The following WRN variants were observed in gnomAD, a reference collection of about 807,000 sequenced individuals.
WRN encodes bifunctional 3'-5' exonuclease/ATP-dependent helicase WRN.
WRN carries 149 observed loss-of-function variants against 180.7 expected under a neutral mutation model. The ratio of observed to expected loss-of-function variants is 0.82; its 90% CI spans 0.72 to 0.94. WRN has a LOEUF of 0.94. Among genes scored for constraint, WRN ranks in the 40% least tolerant of loss-of-function variants. The pLI is 0.00. For missense variants in WRN, 1,661 were observed against 1,700.1 expected (o/e 0.98, Z 0.40); for synonymous variants, 548 against 568.9 (o/e 0.96, Z 0.52).
At chr8:31,073,745 C>A (rs1361608478) in intron 7 of WRN, among the ~76,000 whole-genome samples, 1 of 152,110 alleles carries the variant, frequency 6.6e-6, no homozygotes, top group East Asian at 1.9e-4. Flanking sequence ...CTGGGAGGGC[C>A]ACTAATGAAG....
At chr8:31,082,597 T>C (rs1033311708) in intron 9 of WRN, among the ~76,000 whole-genome samples, 8 of 152,092 alleles carry the variant, frequency 5.3e-5, no homozygotes, top group Non-Finnish European at 1.2e-4. Context: ...TATCAGGATT[T>C]CATGATTTTT....
intron 24 of WRN, among the ~76,000 whole-genome samples, chr8:31,139,224 C>T (rs1340615319): frequency 1.3e-5 from 2 of 152,090 alleles, no homozygotes; most frequent in Non-Finnish European, 2.9e-5. Context: ...GTTAAGTTTG[C>T]TGCAACTCAT....
chr8:31,157,240 AG>A, intron 32 of WRN, 127 bp from the exon 33 acceptor site: 3 of 1,347,002 alleles, frequency 2.2e-6, no homozygotes, highest in Non-Finnish European at 3.1e-6. Flanking sequence ...GAAAAACTTA[AG>A]TAAAGGTTTA....
At chr8:31,043,433 C>A (rs73579555) in intron 1 of WRN, among the ~76,000 whole-genome samples, 1 of 152,088 alleles carries the variant, frequency 6.6e-6, no homozygotes, top group African/African-American at 2.4e-5. Context: ...GTGATGAGGT[C>A]AGTTCCATCC....
intron 24 of WRN, among the ~76,000 whole-genome samples, chr8:31,140,227 TCTCA>T (rs1585512507): frequency 2.0e-5 from 3 of 151,930 alleles, no homozygotes; most frequent in Admixed American, 2.0e-4. Flanking sequence ...GAGATGTGGG[TCTCA>T]CTGTGTTGCC....
chr8:31,039,524 A>G (rs572610423), intron 1 of WRN, among the ~76,000 whole-genome samples: 3 of 152,162 alleles, frequency 2.0e-5, no homozygotes, highest in Non-Finnish European at 4.4e-5. Flanking sequence ...CTTCCTTTCC[A>G]TTATGGATGC....
intron 18 of WRN, among the ~76,000 whole-genome samples, chr8:31,102,442 G>A (rs918991440): frequency 6.6e-6 from 1 of 152,108 alleles, no homozygotes; most frequent in African/African-American, 2.4e-5. Flanking sequence ...GTCTGAACAT[G>A]GACTTACACA....
intron 31 of WRN, 23 bp downstream of exon 31, chr8:31,150,478 A>T (rs1262734862): frequency 1.9e-6 from 3 of 1,602,564 alleles, no homozygotes; most frequent in Non-Finnish European, 2.6e-6. Flanking sequence ...GGTTTGCAGG[A>T]GCTCTTAGAG....
At chr8:31,120,735 T>C (rs1325033758) in intron 21 of WRN, among the ~76,000 whole-genome samples, 1 of 151,974 alleles carries the variant, frequency 6.6e-6, no homozygotes, top group Non-Finnish European at 1.5e-5. Flanking sequence ...CCATTGTGCA[T>C]TAATGAACAG....
At chr8:31,035,470 T>A (rs1180235592) in intron 1 of WRN, among the ~76,000 whole-genome samples, 2 of 151,972 alleles carry the variant, frequency 1.3e-5, no homozygotes, top group African/African-American at 4.8e-5. Flanking sequence ...GAGAGCAACT[T>A]AAGAGGCCTA....
At chr8:31,080,802 TCA>T (rs973458595) in intron 8 of WRN, 63 bp from the exon 9 acceptor site, 4 of 1,351,358 alleles carry the variant, frequency 3.0e-6, no homozygotes, top group Non-Finnish European at 4.1e-6. Context: ...TTAAAAAGCT[TCA>T]CAGTTTGTCC....
chr8:31,137,016 C>T (rs1802425341), intron 24 of WRN, among the ~76,000 whole-genome samples: 1 of 150,606 alleles, frequency 6.6e-6, no homozygotes. Flanking sequence ...AATCATTAAG[C>T]ATTTGTTGTT....
At chr8:31,151,023 A>G (rs1014198002) in intron 31 of WRN, among the ~76,000 whole-genome samples, 2 of 152,196 alleles carry the variant, frequency 1.3e-5, no homozygotes. Flanking sequence ...AGCAGACTCT[A>G]TAATGCATAC....
chr8:31,103,247 C>T (rs983571960), intron 18 of WRN, among the ~76,000 whole-genome samples: 28 of 152,144 alleles, frequency 1.8e-4, no homozygotes, highest in Admixed American at 1.4e-3. Context: ...AAAATGAATA[C>T]GTAGGAGGAG....
chr8:31,085,368 A>G, intron 11 of WRN, 122 bp downstream of exon 11: 2 of 1,061,328 alleles, frequency 1.9e-6, no homozygotes, highest in South Asian at 1.4e-5. Context: ...ATTATGTAAC[A>G]TTAGATTTCA....
At chr8:31,152,563 G>A (rs2130462511) in intron 31 of WRN, among the ~76,000 whole-genome samples, 1 of 151,858 alleles carries the variant, frequency 6.6e-6, no homozygotes, top group South Asian at 2.1e-4. Flanking sequence ...AAAAAGATGA[G>A]TGGTCAATTA....
chr8:31,089,076 A>G, intron 13 of WRN, 111 bp downstream of exon 13: 1 of 843,706 alleles, frequency 1.2e-6, no homozygotes. Context: ...CACTATAGTT[A>G]TACATGCCAC....
At chr8:31,089,292 T>C (rs775926047) in intron 13 of WRN, among the ~76,000 whole-genome samples, 1 of 152,092 alleles carries the variant, frequency 6.6e-6, no homozygotes, top group Admixed American at 6.6e-5. Flanking sequence ...GTGCCTGTTT[T>C]GTGTATATTA....
At chr8:31,071,689 C>T (rs1054107281) in intron 7 of WRN, among the ~76,000 whole-genome samples, 3 of 152,112 alleles carry the variant, frequency 2.0e-5, no homozygotes, top group East Asian at 1.9e-4. Context: ...GCCATGTTGG[C>T]CAGGCTGGTC....
Sources: allele counts gnomAD v4.1 joint callset (sites outside exome capture counted in the v4.1 genomes callset), GRCh38; gene constraint gnomAD v4.1.1; transcripts MANE v1.5; gene names NCBI Gene and HGNC (gene_info 2026-07-23, HGNC 2026-07-21).